ZNF710: variants seen among roughly 807,000 people sequenced by gnomAD.
The protein encoded by ZNF710 is zinc finger protein 710.
A neutral mutation model predicts 50.6 loss-of-function variants in ZNF710; 13 were observed. The ratio of observed to expected loss-of-function variants is 0.26; its 90% confidence interval spans 0.17 to 0.41. The LOEUF is 0.41. Ranked by LOEUF, ZNF710 falls within the 10% of genes least tolerant of loss-of-function variation. ZNF710 has a pLI of 1.00. For missense variants in ZNF710, 721 were observed against 936.6 expected, an observed-to-expected ratio of 0.77 and a Z score of 3.01; for synonymous variants, 383 against 397.0, an observed-to-expected ratio of 0.96 and a Z score of 0.42.
intron 1 of ZNF710, among the ~76,000 whole-genome samples, chr15:90,014,890 A>T (rs112355085): frequency 0.027 from 3,740 of 136,710 alleles, 74 homozygotes; most frequent in Non-Finnish European, 0.038. Context: ...CATCAACTGA[A>T]TTTTTTTTTT....
At chr15:90,071,088 C>T (rs779165200) in intron 2 of ZNF710, among the ~76,000 whole-genome samples, 1 of 152,032 alleles carries the variant, frequency 6.6e-6, no homozygotes, top group Non-Finnish European at 1.5e-5. Flanking sequence ...TGGTGAAGCC[C>T]CGTCTCTACT....
At chr15:90,025,139 G>A (rs1898738236) in intron 1 of ZNF710, 1 of 152,152 alleles carries the variant, frequency 6.6e-6, no homozygotes, top group African/African-American at 2.4e-5. Context: ...GAGGGATGAG[G>A]GCAGTTCTCC....
intron 2 of ZNF710, among the ~76,000 whole-genome samples, chr15:90,070,374 A>T (rs951420737): frequency 6.6e-6 from 1 of 151,124 alleles, no homozygotes; most frequent in Non-Finnish European, 1.5e-5. Context: ...TTTAAGAAAA[A>T]AAAAAAGGAA....
chr15:90,068,033 T>C lies in ZNF710; in HGVS notation c.896T>C (p.Met299Thr), dbSNP rs1596057767. The C allele has an allele frequency of 1.2e-6, 2 of 1,614,222 alleles. No homozygotes were observed. Among genetic ancestry groups the C allele is most frequent in the East Asian group, 2.2e-5 (1 of 44,886 alleles). The change falls in exon 2 of 5, where the codon ATG (methionine) becomes ACG (threonine). Residue 299 changes from methionine to threonine, a missense_variant. Coordinates refer to ENST00000268154, the MANE Select transcript of ZNF710 (RefSeq NM_198526.4). The surrounding 1 kb of genome is among the most constrained non-coding windows in gnomAD (Gnocchi z 5.0). ...GDRQKRWQCR[M>T]CEKSYTSKYN... Reference sequence around the variant, plus strand: ...CGCCAGAAGCGCTGGCAGTGCCGCATGTGCGAGAAGTCCTACACGTCCAAG... The same window carrying C: ...CGCCAGAAGCGCTGGCAGTGCCGCACGTGCGAGAAGTCCTACACGTCCAAG...
intron 2 of ZNF710, among the ~76,000 whole-genome samples, chr15:90,071,081 T>G (rs151262036): frequency 0.011 from 1,747 of 151,958 alleles, 36 homozygotes; most frequent in African/African-American, 0.04. Flanking sequence ...GCCAACATGG[T>G]GAAGCCCCGT....
chr15:90,029,443 A>C (rs1459987628), intron 1 of ZNF710, among the ~76,000 whole-genome samples: 2 of 152,128 alleles, frequency 1.3e-5, no homozygotes, highest in East Asian at 3.9e-4. Context: ...CTCAAACGGG[A>C]ATGGATTTTA....
At position 90,009,079 on chromosome 15, in the gene ZNF710, T is replaced by C. The variant is rs999528039; in HGVS notation, c.-29+7465T>C. On this transcript the variant is annotated intron_variant, in intron 1 of 4. Coordinates refer to ENST00000268154, the MANE Select transcript of ZNF710 (RefSeq NM_198526.4). Reference sequence around the variant, plus strand: ...GCATTTAAATGGGAAACTATAACTTTTGTGATAACTCTTGGTTATGTGTGT... The same window carrying C: ...GCATTTAAATGGGAAACTATAACTTCTGTGATAACTCTTGGTTATGTGTGT... 1.1e-4 allele frequency among the ~76,000 whole-genome samples: 17 copies of C among 151,682 alleles called. 1 individual carries two copies. The highest frequency in any genetic ancestry group is 1.1e-3 in the Admixed American group (17 of 15,200).
intron 1 of ZNF710, among the ~76,000 whole-genome samples, chr15:90,029,316 T>C (rs1395642116): frequency 6.6e-6 from 1 of 152,170 alleles, no homozygotes; most frequent in Admixed American, 6.5e-5. Context: ...TACAGGGTGG[T>C]GAGCTCTCCT....
At chr15:90,030,094 C>T (rs1898887937) in intron 1 of ZNF710, among the ~76,000 whole-genome samples, 1 of 151,294 alleles carries the variant, frequency 6.6e-6, no homozygotes, top group Non-Finnish European at 1.5e-5. Context: ...CTTTGGGAGG[C>T]TGAGGCGGAT....
chr15:90,067,035 T>G lies in ZNF710; in HGVS notation c.-28-75T>G. 6.8e-7 allele frequency: 1 copy of G among 1,471,852 alleles called. No homozygotes were observed. The highest frequency in any genetic ancestry group is 9.0e-7 in the Non-Finnish European group (1 of 1,110,000). The allele number at this position is 1,471,852 out of a possible 1,614,324, so 91.2% of individuals were successfully genotyped here. A position where few individuals can be genotyped will look rare whatever the true frequency, so the allele number is the denominator to read the frequency against. On this transcript the variant is annotated intron_variant, in intron 1 of 4. Transcript: ENST00000268154. The surrounding 1 kb of genome is among the most constrained non-coding windows in gnomAD (Gnocchi z 8.1). The stretch of plus-strand genomic sequence containing the variant: ...GACACACCCAAAATCAGCCAAGCCC[T>G]TGTCTGTGCTGTGTCTGTTGTCTGT...
Position 90,022,773 on chromosome 15 carries a change from A to G in ZNF710, c.-29+21159A>G, listed in dbSNP as rs116107170. Reference sequence around the variant, plus strand: ...TTTCTGCTTTGCACCAGCTGTTTACATATAATTTACAAAAGTACATTAATG... The same window carrying G: ...TTTCTGCTTTGCACCAGCTGTTTACGTATAATTTACAAAAGTACATTAATG... On this transcript the variant is annotated intron_variant, in intron 1 of 4. Transcript: ENST00000268154. Among the ~76,000 whole-genome samples, 835 of 152,352 alleles carry G rather than the reference A, an allele frequency of 5.5e-3. 12 individuals carry two copies. The highest frequency in any genetic ancestry group is 0.017 in the African/African-American group (721 of 41,578).
rs556697558 is a variant in ZNF710 at position 90,034,027 on chromosome 15, C to A, written c.-29+32413C>A. 2.0e-5 allele frequency among the ~76,000 whole-genome samples: 3 copies of A among 152,164 alleles called. No homozygotes were observed. Among genetic ancestry groups the A allele is most frequent in the African/African-American group, 7.2e-5 (3 of 41,528 alleles). On this transcript the variant is annotated intron_variant, in intron 1 of 4. Transcript: ENST00000268154. This position sits in a 1 kb window ranked among gnomAD's most constrained non-coding sequence, Gnocchi z 4.0. ...GACCAGCTTGGCTAACATGGTGAAACCCTGTCTTTACTAAAAGTACAAAAA... is the reference window on the plus strand; with the variant it reads ...GACCAGCTTGGCTAACATGGTGAAAACCTGTCTTTACTAAAAGTACAAAAA...
chr15:90,066,585 C>A (rs1342571321), intron 1 of ZNF710, among the ~76,000 whole-genome samples: 1 of 147,502 alleles, frequency 6.8e-6, no homozygotes, highest in African/African-American at 2.5e-5. Flanking sequence ...TCAAGTGATT[C>A]TCCTGCCTCA....
intron 1 of ZNF710, among the ~76,000 whole-genome samples, chr15:90,003,540 G>A (rs373367846): frequency 3.3e-5 from 5 of 152,152 alleles, no homozygotes; most frequent in Non-Finnish European, 5.9e-5. Context: ...ATCTTCACCA[G>A]GGGGCCTAGA....
chr15:90,035,501 T>C (rs1899094830), intron 1 of ZNF710, among the ~76,000 whole-genome samples: 1 of 152,242 alleles, frequency 6.6e-6, no homozygotes, highest in African/African-American at 2.4e-5. Context: ...ACCATCGTGC[T>C]TCTTATGTGC....
chr15:90,065,782 C>G (rs1392288877), intron 1 of ZNF710, among the ~76,000 whole-genome samples: 2 of 152,162 alleles, frequency 1.3e-5, no homozygotes, highest in Admixed American at 1.3e-4. Context: ...TGGCTCATGT[C>G]TATAATCCTA....
intron 4 of ZNF710, among the ~76,000 whole-genome samples, chr15:90,077,392 T>C (rs1185635243): frequency 2.0e-5 from 3 of 151,918 alleles, no homozygotes; most frequent in Admixed American, 6.6e-5. Flanking sequence ...TACAGGCGCC[T>C]GCCACCACGC....
chr15:90,055,568 C>T (rs1437906814), intron 1 of ZNF710, among the ~76,000 whole-genome samples: 1 of 152,212 alleles, frequency 6.6e-6, no homozygotes, highest in Non-Finnish European at 1.5e-5. Context: ...TTGGTACAAG[C>T]ATAAGGCTTG....
intron 2 of ZNF710, among the ~76,000 whole-genome samples, chr15:90,070,532 T>C (rs1038019584): frequency 6.6e-6 from 1 of 151,708 alleles, no homozygotes; most frequent in Non-Finnish European, 1.5e-5. Context: ...TAAAAATAGC[T>C]GAGTGTGGTG....
Sources: allele counts gnomAD v4.1 joint callset (sites outside exome capture counted in the v4.1 genomes callset), GRCh38; gene constraint gnomAD v4.1.1; non-coding constraint Gnocchi (gnomAD v3.1); transcripts MANE v1.5; gene names NCBI Gene and HGNC (gene_info 2026-07-23, HGNC 2026-07-21).